MECOM: variants seen among roughly 807,000 people sequenced by gnomAD.
The protein encoded by MECOM is MDS1 and EVI1 complex locus.
Under a neutral mutation model 116.3 loss-of-function variants are expected in MECOM, and 13 were observed. The observed-to-expected ratio is 0.11, with a 90% confidence interval of 0.07 to 0.18. MECOM has a LOEUF of 0.18. MECOM is among the 10% of genes least tolerant of loss of function. The probability of loss-of-function intolerance (pLI) is 1.00; values close to 1 mark genes in which losing one functional copy is unlikely to be tolerated. For missense variants in MECOM, 1,299 were observed against 1,509.0 expected, an observed-to-expected ratio of 0.86 and a Z score of 2.31; for synonymous variants, 528 against 535.2, an observed-to-expected ratio of 0.99 and a Z score of 0.19.
intron 1 of MECOM, among the ~76,000 whole-genome samples, chr3:169,480,760 C>T (rs1560332093): frequency 6.6e-6 from 1 of 152,102 alleles, no homozygotes; most frequent in Non-Finnish European, 1.5e-5. Context: ...GAAGCCTGTG[C>T]TTTTCAGGAG....
At chr3:169,579,753 A>G (rs1266012793) in intron 1 of MECOM, among the ~76,000 whole-genome samples, 3 of 152,216 alleles carry the variant, frequency 2.0e-5, no homozygotes, top group Non-Finnish European at 2.9e-5. Context: ...CTTGGACTGA[A>G]CATGATATTC....
At chr3:169,089,950 G>T in intron 15 of MECOM, 50 bp downstream of exon 15, 1 of 1,566,298 alleles carries the variant, frequency 6.4e-7, no homozygotes, top group South Asian at 1.2e-5. Flanking sequence ...AATTGCAACC[G>T]TACATGGATC....
chr3:169,411,165 C>T (rs1737498460), intron 1 of MECOM, among the ~76,000 whole-genome samples: 4 of 152,026 alleles, frequency 2.6e-5, no homozygotes, highest in Admixed American at 2.6e-4. Flanking sequence ...ATATAAATAT[C>T]TGAAGACTTT....
intron 3 of MECOM, among the ~76,000 whole-genome samples, chr3:169,137,366 C>G (rs1270981821): frequency 6.6e-6 from 1 of 152,056 alleles, no homozygotes; most frequent in Non-Finnish European, 1.5e-5. Flanking sequence ...AACTCCAATT[C>G]AGGAATGATG....
At chr3:169,101,011 T>C in intron 11 of MECOM, 49 bp from the exon 12 acceptor site, 1 of 1,376,530 alleles carries the variant, frequency 7.3e-7, no homozygotes. Flanking sequence ...GTTGACTATA[T>C]TTCACTCATG....
intron 2 of MECOM, among the ~76,000 whole-genome samples, chr3:169,279,371 C>A (rs1332936524): frequency 1.3e-5 from 2 of 152,146 alleles, no homozygotes; most frequent in Non-Finnish European, 2.9e-5. Flanking sequence ...CTCCTTCCCC[C>A]CACTACACAA....
At chr3:169,599,081 T>C (rs1257948106) in intron 1 of MECOM, among the ~76,000 whole-genome samples, 1 of 152,232 alleles carries the variant, frequency 6.6e-6, no homozygotes, top group Admixed American at 6.5e-5. Flanking sequence ...GCTTCCATCA[T>C]TCAGGGTTTT....
At chr3:169,341,499 T>C (rs1940799288) in intron 2 of MECOM, among the ~76,000 whole-genome samples, 1 of 150,090 alleles carries the variant, frequency 6.7e-6, no homozygotes, top group Admixed American at 6.6e-5. Flanking sequence ...CCCAACACTT[T>C]GGGAGGCCGA....
chr3:169,591,726 A>G (rs1028003752), intron 1 of MECOM, among the ~76,000 whole-genome samples: 1 of 152,230 alleles, frequency 6.6e-6, no homozygotes, highest in East Asian at 1.9e-4. Context: ...ACAAAATGAA[A>G]GAGAAACCTG....
Position 169,084,715 on chromosome 3 carries a change from C to A in MECOM, c.*194G>T. On this transcript the variant is annotated 3_prime_UTR_variant, in exon 17 of 17. Transcript: ENST00000651503. Reference sequence around the variant, plus strand: ...CAGCAGCTGCCTTTGCTGTGCAAAACAAAATATCGAGAATAAATAGTTTCT... The same window carrying A: ...CAGCAGCTGCCTTTGCTGTGCAAAAAAAAATATCGAGAATAAATAGTTTCT... 1 of 582,398 alleles carries A rather than the reference C, an allele frequency of 1.7e-6. No homozygotes were observed. Among genetic ancestry groups the A allele is most frequent in the Non-Finnish European group, 2.8e-6 (1 of 361,176 alleles). 36.1% of individuals were successfully genotyped at this position (582,398 alleles called of 1,614,324 possible).
intron 1 of MECOM, among the ~76,000 whole-genome samples, chr3:169,433,982 T>C (rs919489783): frequency 2.4e-4 from 37 of 152,188 alleles, no homozygotes; most frequent in African/African-American, 8.7e-4. Flanking sequence ...TTCTTAATAA[T>C]GGGGAGGTGG....
chr3:169,570,966 A>C (rs1179671765), intron 1 of MECOM, among the ~76,000 whole-genome samples: 2 of 152,208 alleles, frequency 1.3e-5, no homozygotes, highest in African/African-American at 2.4e-5. Flanking sequence ...CCTATTCAAC[A>C]TAGTATTGGA....
chr3:169,379,172 AC>A (rs111442502), intron 2 of MECOM, among the ~76,000 whole-genome samples: 126 of 150,804 alleles, frequency 8.4e-4, no homozygotes, highest in African/African-American at 1.9e-3. Flanking sequence ...AAAAAAAAAA[AC>A]CCTAAGAAGA....
At chr3:169,398,253 T>C (rs1405770193) in intron 1 of MECOM, among the ~76,000 whole-genome samples, 1 of 152,228 alleles carries the variant, frequency 6.6e-6, no homozygotes, top group Non-Finnish European at 1.5e-5. Context: ...CATTTCTATA[T>C]GCACGAACAT....
chr3:169,455,576 C>G lies in MECOM; in HGVS notation c.38-74052G>C, dbSNP rs181811482. On this transcript the variant is annotated intron_variant, in intron 1 of 16. Coordinates refer to ENST00000651503, the MANE Select transcript of MECOM (RefSeq NM_004991.4). ...CCCCATTATTTCTATGAGAATGACTCTCATAATTCCGGAATATTTTACAGG... is the reference window on the plus strand; with the variant it reads ...CCCCATTATTTCTATGAGAATGACTGTCATAATTCCGGAATATTTTACAGG... Among the ~76,000 whole-genome samples, 231 of 152,268 alleles carry G rather than the reference C, an allele frequency of 1.5e-3. 3 individuals are homozygous for G. The highest frequency in any genetic ancestry group is 5.1e-3 in the African/African-American group (211 of 41,558).
At chr3:169,332,041 C>T (rs1422930281) in intron 2 of MECOM, among the ~76,000 whole-genome samples, 1 of 148,432 alleles carries the variant, frequency 6.7e-6, no homozygotes, top group Non-Finnish European at 1.5e-5. Flanking sequence ...TGAGGTGTTT[C>T]TACAGACTCT....
At chr3:169,359,071 T>A (rs2149819255) in intron 2 of MECOM, among the ~76,000 whole-genome samples, 1 of 151,950 alleles carries the variant, frequency 6.6e-6, no homozygotes, top group South Asian at 2.1e-4. Context: ...TTCAGCTATG[T>A]CTATAGCACA....
At chr3:169,309,579 T>C (rs1214318585) in intron 2 of MECOM, among the ~76,000 whole-genome samples, 13 of 152,212 alleles carry the variant, frequency 8.5e-5, no homozygotes, top group Admixed American at 8.5e-4. Flanking sequence ...TTACAGCTTT[T>C]CATTACAAAT....
chr3:169,616,976 A>G (rs377680966), intron 1 of MECOM, among the ~76,000 whole-genome samples: 1 of 152,264 alleles, frequency 6.6e-6, no homozygotes, highest in East Asian at 1.9e-4. Flanking sequence ...TTAATAATCA[A>G]TTCTATTCTC....
Sources: allele counts gnomAD v4.1 joint callset (sites outside exome capture counted in the v4.1 genomes callset), GRCh38; gene constraint gnomAD v4.1.1; transcripts MANE v1.5; gene names NCBI Gene and HGNC (gene_info 2026-07-23, HGNC 2026-07-21).